The following ADGRB3 variants were observed in gnomAD, a reference collection of about 807,000 sequenced individuals.
The protein encoded by ADGRB3 is brain-specific angiogenesis inhibitor 3.
A neutral mutation model predicts 193.4 loss-of-function variants in ADGRB3; 37 were observed. The observed-to-expected ratio is 0.19, with a 90% confidence interval of 0.15 to 0.25. The LOEUF is 0.25. ADGRB3 is among the 10% of genes least tolerant of loss of function. The probability of loss-of-function intolerance (pLI) is 1.00; values close to 1 mark genes in which losing one functional copy is unlikely to be tolerated. For synonymous variants in ADGRB3, 690 were observed against 644.2 expected (o/e 1.07, Z -1.08); for missense variants, 1,637 against 1,852.9 (o/e 0.88, Z 2.14).
At chr6:69,301,647 G>T (rs1156726372) in intron 20 of ADGRB3, among the ~76,000 whole-genome samples, 1 of 151,902 alleles carries the variant, frequency 6.6e-6, no homozygotes, top group Non-Finnish European at 1.5e-5. Context: ...AAGAAAAATT[G>T]AATTTCTTGA....
At chr6:69,158,144 A>G (rs1774894095) in intron 17 of ADGRB3, among the ~76,000 whole-genome samples, 1 of 152,116 alleles carries the variant, frequency 6.6e-6, no homozygotes, top group Non-Finnish European at 1.5e-5. Context: ...TGATTTTCTT[A>G]TTCATTGTTT....
chr6:69,266,248 G>A (rs1767037522), intron 20 of ADGRB3, among the ~76,000 whole-genome samples: 1 of 151,934 alleles, frequency 6.6e-6, no homozygotes, highest in Admixed American at 6.6e-5. Flanking sequence ...GGATGATGTA[G>A]GGTGTTAATT....
At chr6:68,974,954 T>C (rs112974374) in intron 9 of ADGRB3, 90 bp downstream of exon 9, 2 of 1,136,028 alleles carry the variant, frequency 1.8e-6, no homozygotes, top group African/African-American at 1.5e-5. Context: ...GTTTTTGTCT[T>C]ATATCCATAA....
chr6:69,018,404 C>T lies in ADGRB3; in HGVS notation c.2012C>T (p.Ser671Leu), dbSNP rs1271881906. The change falls in exon 13 of 32, where the codon TCA becomes TTA. Residue 671 changes from serine (S) to leucine (L), a missense_variant. Physicochemically the swap from Ser to Leu is moderately radical, Grantham distance 145. Coordinates refer to ENST00000370598, the MANE Select transcript of ADGRB3 (RefSeq NM_001704.3). ...TTATTTTTCTAGATTTATCCAGGGTCAATAGAGTTAATGCAGGTGATTGAA... is the reference window on the plus strand; with the variant it reads ...TTATTTTTCTAGATTTATCCAGGGTTAATAGAGTTAATGCAGGTGATTGAA... ...WEDAQQIYPG[S>L]IELMQVIEDF... 4 of 1,600,040 alleles carry T rather than the reference C, an allele frequency of 2.5e-6. No homozygotes were observed. Among genetic ancestry groups the T allele is most frequent in the Non-Finnish European group, 3.4e-6 (4 of 1,170,014 alleles).
intron 3 of ADGRB3, among the ~76,000 whole-genome samples, chr6:68,786,899 T>A (rs928622512): frequency 2.0e-5 from 3 of 152,110 alleles, no homozygotes; most frequent in Admixed American, 2.0e-4. Context: ...CCTAGGTATT[T>A]TATTCTCTTT....
intron 13 of ADGRB3, among the ~76,000 whole-genome samples, chr6:69,039,551 G>C (rs1770968649): frequency 6.6e-6 from 1 of 152,058 alleles, no homozygotes; most frequent in South Asian, 2.1e-4. Flanking sequence ...TAGCATGAAA[G>C]TAGACAGGAA....
chr6:68,796,933 GGTAAAGCT>G (rs1767219633), intron 3 of ADGRB3, among the ~76,000 whole-genome samples: 1 of 152,052 alleles, frequency 6.6e-6, no homozygotes. Context: ...CAGAGGTCCT[GGTAAAGCT>G]ATTTGAAAAT....
chr6:69,208,964 A>G (rs898656955), intron 17 of ADGRB3, among the ~76,000 whole-genome samples: 27 of 152,196 alleles, frequency 1.8e-4, no homozygotes, highest in African/African-American at 6.3e-4. Context: ...ACAGGCCAAG[A>G]GTTGTCTCTC....
At chr6:68,831,339 G>T (rs1345543515) in intron 3 of ADGRB3, among the ~76,000 whole-genome samples, 1 of 150,492 alleles carries the variant, frequency 6.6e-6, no homozygotes, top group South Asian at 2.1e-4. Context: ...GATTTTACTG[G>T]TTTTGGACAT....
chr6:69,173,020 G>GTTTTTGTTTTTGTTTTT (rs1561942029), intron 17 of ADGRB3, among the ~76,000 whole-genome samples: 3 of 107,192 alleles, frequency 2.8e-5, no homozygotes, highest in South Asian at 2.9e-4. Flanking sequence ...GTGGGGTTTT[G>GTTTTTGTTTTTGTTTTT]GTTTTTGTTT....
Position 69,341,693 on chromosome 6 carries a change from C to T in ADGRB3, c.3459+2189C>T, listed in dbSNP as rs569131102. On this transcript the variant is annotated intron_variant, in intron 26 of 31. Transcript: ENST00000370598. Reference sequence around the variant, plus strand: ...ATTGAATAATAATTTAGCTTATGTTCTCCAACTATAACTATCTTATGGGTC... The same window carrying T: ...ATTGAATAATAATTTAGCTTATGTTTTCCAACTATAACTATCTTATGGGTC... 6.6e-5 allele frequency among the ~76,000 whole-genome samples: 10 copies of T among 152,160 alleles called. No homozygotes were observed. The South Asian group carries it at 2.1e-3, about 31-fold the overall frequency.
intron 3 of ADGRB3, among the ~76,000 whole-genome samples, chr6:68,807,331 G>A (rs1436349197): frequency 4.8e-5 from 7 of 144,816 alleles, no homozygotes; most frequent in South Asian, 4.4e-4. Context: ...TCCGCCCCGC[G>A]GGGTTCACGC....
At chr6:69,025,500 C>A (rs963682926) in intron 13 of ADGRB3, among the ~76,000 whole-genome samples, 2 of 151,122 alleles carry the variant, frequency 1.3e-5, no homozygotes, top group African/African-American at 4.9e-5. Context: ...GTTGACATCA[C>A]GCCTGAAAAA....
rs964637593 is a variant in ADGRB3 at position 68,991,251 on chromosome 6, C to A, written c.1735-2517C>A. ...CATAGATGGAAGTTGATTCAATAAC[C>A]CATTCATTCCTTTAACTCATTCATT... On this transcript the variant is annotated intron_variant, in intron 10 of 31. Coordinates refer to ENST00000370598, the MANE Select transcript of ADGRB3 (RefSeq NM_001704.3). Among the ~76,000 whole-genome samples the A allele has an allele frequency of 2.6e-5, 4 of 152,168 alleles. No individual in the cohort carries two copies. In the East Asian group the frequency reaches 5.8e-4, roughly 22 times the overall value.
chr6:68,878,893 G>A lies in ADGRB3; in HGVS notation c.758-51666G>A, dbSNP rs528309860. The stretch of plus-strand genomic sequence containing the variant: ...ATGGCAGCAGGCAAAGAGAGAGCTT[G>A]TGCAAGGAAACTCTCATTTTTAAAA... On this transcript the variant is annotated intron_variant, in intron 3 of 31. Transcript: ENST00000370598. 2.2e-3 allele frequency among the ~76,000 whole-genome samples: 337 copies of A among 152,286 alleles called. 3 individuals are homozygous for A. Among genetic ancestry groups the A allele is most frequent in the African/African-American group, 7.6e-3 (316 of 41,560 alleles).
At chr6:68,883,935 T>A (rs1328633788) in intron 3 of ADGRB3, among the ~76,000 whole-genome samples, 6 of 152,202 alleles carry the variant, frequency 3.9e-5, no homozygotes. Context: ...CTTAATAATT[T>A]AAGGGTACTT....
chr6:69,034,817 T>C (rs1770819230), intron 13 of ADGRB3, among the ~76,000 whole-genome samples: 1 of 151,712 alleles, frequency 6.6e-6, no homozygotes, highest in African/African-American at 2.4e-5. Flanking sequence ...CACTGGTAAA[T>C]TTTATATAGT....
At chr6:68,925,611 TC>T (rs1767157946) in intron 3 of ADGRB3, among the ~76,000 whole-genome samples, 1 of 152,044 alleles carries the variant, frequency 6.6e-6, no homozygotes, top group African/African-American at 2.4e-5. Flanking sequence ...TAATTGTATT[TC>T]TCTTTGGCGA....
At chr6:68,911,014 G>A (rs1041596796) in intron 3 of ADGRB3, among the ~76,000 whole-genome samples, 1 of 151,922 alleles carries the variant, frequency 6.6e-6, no homozygotes, top group Admixed American at 6.6e-5. Flanking sequence ...CCATTTTCAT[G>A]ATATTGATTC....
Sources: gnomAD v4.1 joint callset for allele counts (sites outside exome capture counted in the v4.1 genomes callset) on GRCh38, gnomAD v4.1.1 for gene constraint, MANE v1.5 for transcripts, NCBI Gene and HGNC (gene_info 2026-07-23, HGNC 2026-07-21) for gene names.